Variants in MYO1E observed in about 807,000 individuals in gnomAD.
MYO1E encodes the protein myosin IE.
Under a neutral mutation model 151.1 loss-of-function variants are expected in MYO1E, and 68 were observed. The ratio of observed to expected loss-of-function variants is 0.45; its 90% CI spans 0.37 to 0.55. MYO1E has a LOEUF of 0.55. MYO1E is among the 20% of genes least tolerant of loss of function. The pLI, the probability that MYO1E is intolerant of heterozygous loss-of-function variation, is 0.00. For missense variants in MYO1E, 1,363 were observed against 1,389.3 expected, an observed-to-expected ratio of 0.98 and a Z score of 0.30; for synonymous variants, 601 against 501.7, an observed-to-expected ratio of 1.20 and a Z score of -2.64.
At chr15:59,168,945 A>G (rs1397925849) in intron 22 of MYO1E, among the ~76,000 whole-genome samples, 1 of 152,198 alleles carries the variant, frequency 6.6e-6, no homozygotes, top group African/African-American at 2.4e-5. Context: ...CAAATGTTTC[A>G]GTACATATTA....
chr15:59,300,391 C>A (rs766949738), intron 1 of MYO1E, among the ~76,000 whole-genome samples: 1 of 152,140 alleles, frequency 6.6e-6, no homozygotes, highest in Non-Finnish European at 1.5e-5. Context: ...TGCACACACA[C>A]CCCCATTCCC....
At chr15:59,297,592 AT>A (rs1419032130) in intron 1 of MYO1E, among the ~76,000 whole-genome samples, 5 of 150,822 alleles carry the variant, frequency 3.3e-5, no homozygotes, top group African/African-American at 1.2e-4. Flanking sequence ...AATTTTTATA[AT>A]TTTTTGAGAC....
chr15:59,289,376 A>C (rs764275534), intron 1 of MYO1E, among the ~76,000 whole-genome samples: 5 of 152,244 alleles, frequency 3.3e-5, no homozygotes, highest in Admixed American at 6.5e-5. Flanking sequence ...ATCAAACTGC[A>C]TGAGGAGACT....
rs1172285611 is a variant in MYO1E, at chr15:59,297,027, G to GT, written c.4-24579dup. On this transcript the variant is annotated intron_variant, in intron 1 of 27. Transcript: ENST00000288235. ...GCTAATCGCCCGGCTAATTTTTTGT[G>GT]TTTTTTTGTAGAGACAGAGTTTCAC... is the stretch of plus-strand genomic sequence containing the variant. Among the ~76,000 whole-genome samples the GT allele has an allele frequency of 1.7e-4, 5 of 29,184 alleles. 1 individual carries two copies. Among genetic ancestry groups the GT allele is most frequent in the Non-Finnish European group, 4.0e-4 (4 of 10,094 alleles). The allele number at this position is 29,184 out of a possible 152,430, so 19.1% of individuals were successfully genotyped here. A position where few individuals can be genotyped will look rare whatever the true frequency, so the allele number is the denominator to read the frequency against.
chr15:59,310,820 G>A (rs182788881), intron 1 of MYO1E, among the ~76,000 whole-genome samples: 7 of 151,314 alleles, frequency 4.6e-5, no homozygotes, highest in Admixed American at 2.0e-4. Flanking sequence ...TGGTAGTTTC[G>A]TATATATACT....
intron 1 of MYO1E, among the ~76,000 whole-genome samples, chr15:59,344,572 G>T (rs1016615428): frequency 6.6e-6 from 1 of 152,202 alleles, no homozygotes; most frequent in South Asian, 2.1e-4. Context: ...AGCCAGCTAG[G>T]CTTGTGTCCT....
At chr15:59,280,442 T>A (rs1480030185) in intron 1 of MYO1E, among the ~76,000 whole-genome samples, 1 of 152,026 alleles carries the variant, frequency 6.6e-6, no homozygotes, top group South Asian at 2.1e-4. Context: ...CTGGTCAACA[T>A]TGTGAAACCC....
At chr15:59,225,456 C>T (rs759837777) in intron 7 of MYO1E, among the ~76,000 whole-genome samples, 2 of 152,126 alleles carry the variant, frequency 1.3e-5, no homozygotes, top group African/African-American at 2.4e-5. Context: ...CGCCCTGAGG[C>T]TTCCCTGGCT....
chr15:59,217,858 G>A (rs762442535), intron 10 of MYO1E, 33 bp downstream of exon 10: 1 of 1,608,156 alleles, frequency 6.2e-7, no homozygotes, highest in Non-Finnish European at 8.5e-7. Flanking sequence ...GCTAAGATAT[G>A]AAGCATCACC....
chr15:59,161,098 G>A lies in MYO1E; in HGVS notation c.2760C>T (p.Ile920=), dbSNP rs201038406. The change falls in exon 24 of 28, where the codon ATC becomes ATT. Residue 920 remains isoleucine (I), a synonymous_variant. Transcript: ENST00000288235. ...KPSNKVLQVS[I]GPGLPKNSRP... Reference sequence around the variant, plus strand: ...GGGAGTTCTTGGGCAGTCCAGGTCCGATGCTGACCTGCAGCACTTTGTTAC... The same window carrying A: ...GGGAGTTCTTGGGCAGTCCAGGTCCAATGCTGACCTGCAGCACTTTGTTAC... 21 of 1,613,764 alleles carry A rather than the reference G, an allele frequency of 1.3e-5. No individual in the cohort carries two copies. In the East Asian group the frequency reaches 1.6e-4, roughly 12 times the overall value.
chr15:59,275,646 T>A (rs1179049778), intron 1 of MYO1E, among the ~76,000 whole-genome samples: 1 of 152,088 alleles, frequency 6.6e-6, no homozygotes, highest in East Asian at 1.9e-4. Context: ...CCCACCCAGA[T>A]GAGGCAAAGG....
At chr15:59,200,651 G>C (rs147379133) in intron 16 of MYO1E, among the ~76,000 whole-genome samples, 2,375 of 152,216 alleles carry the variant, frequency 0.016, 30 homozygotes, top group Non-Finnish European at 0.021. Flanking sequence ...ATTAAGCAGA[G>C]ACCAACAACG....
chr15:59,138,455 GC>G (rs1362360129), intron 26 of MYO1E, 88 bp from the exon 27 acceptor site: 2 of 1,419,882 alleles, frequency 1.4e-6, no homozygotes. Flanking sequence ...GCCGGCACTG[GC>G]CTGTTCAAGT....
intron 16 of MYO1E, among the ~76,000 whole-genome samples, chr15:59,197,095 C>T (rs1057139555): frequency 4.4e-5 from 6 of 136,390 alleles, no homozygotes; most frequent in Non-Finnish European, 6.1e-5. Flanking sequence ...CGAGTTCAAG[C>T]GATTCGCCTG....
chr15:59,302,289 C>T (rs1055544272), intron 1 of MYO1E, among the ~76,000 whole-genome samples: 3 of 152,060 alleles, frequency 2.0e-5, no homozygotes, highest in Admixed American at 1.3e-4. Flanking sequence ...AGAAAAAAGG[C>T]ACCCCAAAAT....
At chr15:59,163,065 G>A in intron 23 of MYO1E, 92 bp downstream of exon 23, 1 of 1,455,060 alleles carries the variant, frequency 6.9e-7, no homozygotes, top group Non-Finnish European at 9.5e-7. Flanking sequence ...TCTCCTCGCA[G>A]GCCTCCTCCA....
At chr15:59,282,134 T>C (rs765708046) in intron 1 of MYO1E, among the ~76,000 whole-genome samples, 17 of 152,212 alleles carry the variant, frequency 1.1e-4, no homozygotes, top group East Asian at 1.9e-4. Context: ...GGAATTTAAA[T>C]AACTTCTGTT....
intron 1 of MYO1E, among the ~76,000 whole-genome samples, chr15:59,359,093 T>C (rs1441451628): frequency 6.6e-6 from 1 of 151,858 alleles, no homozygotes; most frequent in African/African-American, 2.4e-5. Flanking sequence ...CCAGGATACT[T>C]CTCATCTTGA....
chr15:59,138,460 T>C, intron 26 of MYO1E, 93 bp from the exon 27 acceptor site: 1 of 1,375,756 alleles, frequency 7.3e-7, no homozygotes, highest in Non-Finnish European at 1.0e-6. Flanking sequence ...CACTGGCCTG[T>C]TCAAGTTCAA....
Sources: allele counts gnomAD v4.1 joint callset (sites outside exome capture counted in the v4.1 genomes callset), GRCh38; gene constraint gnomAD v4.1.1; transcripts MANE v1.5; gene names NCBI Gene and HGNC (gene_info 2026-07-23, HGNC 2026-07-21).